SSBP2: variants seen among roughly 807,000 people sequenced by gnomAD.
SSBP2 encodes the protein single stranded DNA binding protein 2, also known as single-stranded DNA-binding protein 2.
Under a neutral mutation model 61.8 loss-of-function variants are expected in SSBP2, and 17 were observed. The observed-to-expected ratio is 0.28, with a 90% CI of 0.19 to 0.41. The LOEUF (loss-of-function observed/expected upper bound fraction) is 0.41. SSBP2 is among the 10% of genes least tolerant of loss of function. The probability of loss-of-function intolerance (pLI) is 1.00; values close to 1 mark genes in which losing one functional copy is unlikely to be tolerated. For synonymous variants in SSBP2, 139 were observed against 141.3 expected, an observed-to-expected ratio of 0.98 and a Z score of 0.12; for missense variants, 310 against 458.7, an observed-to-expected ratio of 0.68 and a Z score of 2.96.
At chr5:81,435,415 A>T (rs1762613484) in intron 15 of SSBP2, among the ~76,000 whole-genome samples, 1 of 152,220 alleles carries the variant, frequency 6.6e-6, no homozygotes, top group African/African-American at 2.4e-5. Context: ...CTATGTCCCC[A>T]TAGTGCAGAA....
chr5:81,665,983 C>T (rs895302412), intron 1 of SSBP2, among the ~76,000 whole-genome samples: 1 of 152,174 alleles, frequency 6.6e-6, no homozygotes, highest in African/African-American at 2.4e-5. Flanking sequence ...AAAGGCTGCT[C>T]ATAAGACTGT....
intron 1 of SSBP2, among the ~76,000 whole-genome samples, chr5:81,749,294 CCTCT>C (rs996992991): frequency 2.6e-5 from 4 of 151,448 alleles, no homozygotes; most frequent in African/African-American, 9.7e-5. Flanking sequence ...AACAAAAAAG[CCTCT>C]CTAATTTTTG....
chr5:81,623,827 T>C (rs1248612814), intron 3 of SSBP2, among the ~76,000 whole-genome samples: 1 of 152,176 alleles, frequency 6.6e-6, no homozygotes, highest in Non-Finnish European at 1.5e-5. Flanking sequence ...TTTGCCTTTA[T>C]GGATTTAGTG....
intron 4 of SSBP2, among the ~76,000 whole-genome samples, chr5:81,552,285 T>C (rs998399506): frequency 6.6e-6 from 1 of 152,010 alleles, no homozygotes; most frequent in African/African-American, 2.4e-5. Context: ...AGAAGTAGAG[T>C]GAACCTAATA....
In SSBP2 at chr5:81,613,451, AGATGAT is replaced by A. The variant is rs376525099; in HGVS notation, c.282+2016_282+2021del. Among the ~76,000 whole-genome samples the A allele has an allele frequency of 2.0e-5, 3 of 152,122 alleles. No homozygotes were observed. The East Asian group carries it at 5.8e-4, about 29-fold the overall frequency. ...ATTTTCAAAGTGTCTTATGAATGCA[AGATGAT>A]GATGATGATGAAAGTGACGATGACA... On this transcript the variant is annotated intron_variant, in intron 4 of 16. Transcript: ENST00000320672.
At chr5:81,665,687 T>C (rs973579066) in intron 1 of SSBP2, among the ~76,000 whole-genome samples, 1 of 152,088 alleles carries the variant, frequency 6.6e-6, no homozygotes, top group African/African-American at 2.4e-5. Flanking sequence ...GTAGTAGTAG[T>C]AGAGACGGAG....
chr5:81,581,296 C>T (rs1450924586), intron 4 of SSBP2, among the ~76,000 whole-genome samples: 3 of 152,006 alleles, frequency 2.0e-5, no homozygotes, highest in Admixed American at 6.6e-5. Context: ...ACTAAAGAGG[C>T]GACAGGATGG....
intron 4 of SSBP2, among the ~76,000 whole-genome samples, chr5:81,531,028 G>GT (rs1422093200): frequency 6.6e-6 from 1 of 151,886 alleles, no homozygotes; most frequent in East Asian, 1.9e-4. Flanking sequence ...TGGAAACATA[G>GT]TAAGACCCTA....
chr5:81,705,420 A>T (rs999885451), intron 1 of SSBP2, among the ~76,000 whole-genome samples: 8 of 152,188 alleles, frequency 5.3e-5, no homozygotes, highest in African/African-American at 1.9e-4. Flanking sequence ...GTGCTTTAAT[A>T]TTAAAGGACA....
chr5:81,551,301 C>G (rs1772170219), intron 4 of SSBP2, among the ~76,000 whole-genome samples: 2 of 151,926 alleles, frequency 1.3e-5, no homozygotes. Flanking sequence ...GTATATGTAT[C>G]TGCTTGATAA....
upstream of SSBP2, among the ~76,000 whole-genome samples, chr5:81,751,406 T>C (rs558493487): frequency 6.6e-6 from 1 of 152,156 alleles, no homozygotes; most frequent in Non-Finnish European, 1.5e-5. Context: ...AGAAGGATTT[T>C]AAACAACTGG....
At chr5:81,683,413 C>A (rs1752545499) in intron 1 of SSBP2, among the ~76,000 whole-genome samples, 1 of 152,072 alleles carries the variant, frequency 6.6e-6, no homozygotes. Flanking sequence ...GGTGTTTGAA[C>A]AATTGAGCAT....
rs557965340 is a variant in SSBP2 at position 81,504,719 on chromosome 5, GTTAT to G, written c.372+8905_372+8908del. On this transcript the variant is annotated intron_variant, in intron 5 of 16. Transcript: ENST00000320672. ...CTAACATATCACATATTTTAAAATA[GTTAT>G]TTATTTTGCTCAGTTTCCCTTAGTA... Among the ~76,000 whole-genome samples the G allele has an allele frequency of 1.9e-4, 29 of 152,156 alleles. 2 individuals carry two copies. The East Asian group carries it at 5.0e-3, about 26-fold the overall frequency.
rs532865793 is a variant in SSBP2 at position 81,416,220 on chromosome 5, A to C, written c.*4284T>G. ...GACAGAGCAAGACTGTCTCAAAAAA[A>C]AAAAAGAAAAAAAAATTTAAAAAAA... On this transcript the variant is annotated 3_prime_UTR_variant, in exon 17 of 17. Coordinates refer to ENST00000320672, the MANE Select transcript of SSBP2 (RefSeq NM_012446.5). 4 of 150,756 alleles carry C rather than the reference A, an allele frequency of 2.7e-5. No homozygotes were observed. Among genetic ancestry groups the C allele is most frequent in the African/African-American group, 9.8e-5 (4 of 40,646 alleles). The allele number at this position is 150,756 out of a possible 1,614,324, so 9.3% of individuals were successfully genotyped here.
Position 81,625,266 on chromosome 5 carries a change from A to C in SSBP2, c.198-9709T>G, listed in dbSNP as rs983124593. ...GGGATTTTTCTGATGTACTTTAGTA[A>C]GCTATTCTGATGATCCACTGTACTT... On this transcript the variant is annotated intron_variant, in intron 3 of 16. Coordinates refer to ENST00000320672, the MANE Select transcript of SSBP2 (RefSeq NM_012446.5). Among the ~76,000 whole-genome samples, 5 of 152,098 alleles carry C rather than the reference A, an allele frequency of 3.3e-5. No homozygotes were observed. In the South Asian group the frequency reaches 6.2e-4, roughly 19 times the overall value.
Position 81,414,390 on chromosome 5 carries a change from A to C in SSBP2, c.*6114T>G, listed in dbSNP as rs1230987561. ...ATACTAAGTTAACAGGGAAAATTTA[A>C]CAGAGGAAATTCTCCTTGGGACACT... is the stretch of plus-strand genomic sequence containing the variant. On this transcript the variant is annotated 3_prime_UTR_variant, in exon 17 of 17. Coordinates refer to ENST00000320672, the MANE Select transcript of SSBP2 (RefSeq NM_012446.5). 6.6e-6 allele frequency: 1 copy of C among 152,188 alleles called. No homozygotes were observed. Among genetic ancestry groups the C allele is most frequent in the Non-Finnish European group, 1.5e-5 (1 of 68,012 alleles). 9.4% of individuals were successfully genotyped at this position (152,188 alleles called of 1,614,324 possible). A position where few individuals can be genotyped will look rare whatever the true frequency, so the allele number is the denominator to read the frequency against.
At chr5:81,587,147 C>A (rs1775118278) in intron 4 of SSBP2, among the ~76,000 whole-genome samples, 1 of 152,100 alleles carries the variant, frequency 6.6e-6, no homozygotes, top group Non-Finnish European at 1.5e-5. Context: ...TAACTATCTT[C>A]TGAGTTCTGT....
In SSBP2 at chr5:81,494,845, C is replaced by T. The variant is rs368532389; in HGVS notation, c.373-5536G>A. ...TGAAAAAAAAATACTCTAATAGAAA[C>T]GCAAACCAAATGTTCACCTCATTTT... On this transcript the variant is annotated intron_variant, in intron 5 of 16. Transcript: ENST00000320672. Among the ~76,000 whole-genome samples, 9 of 151,620 alleles carry T rather than the reference C, an allele frequency of 5.9e-5. No individual in the cohort carries two copies. The East Asian group carries it at 1.4e-3, about 23-fold the overall frequency.
Position 81,674,366 on chromosome 5 carries a change from T to G in SSBP2, c.63-24027A>C, listed in dbSNP as rs116349865. On this transcript the variant is annotated intron_variant, in intron 1 of 16. Transcript: ENST00000320672. ...GAAGATAAACTCTATTTCTTCACAA[T>G]ATAAGTCTGTGTGGTTCCCCATGGC... Among the ~76,000 whole-genome samples, 1,056 of 152,272 alleles carry G rather than the reference T, an allele frequency of 6.9e-3. 8 individuals carry two copies. The highest frequency in any genetic ancestry group is 0.012 in the Non-Finnish European group (790 of 68,018).
Sources: allele counts gnomAD v4.1 joint callset (sites outside exome capture counted in the v4.1 genomes callset), GRCh38; gene constraint gnomAD v4.1.1; transcripts MANE v1.5; gene names NCBI Gene and HGNC (gene_info 2026-07-23, HGNC 2026-07-21).